ERCC5: variants seen among roughly 807,000 people sequenced by gnomAD.
ERCC5 encodes DNA excision repair protein ERCC-5.
In ERCC5, 68 loss-of-function variants were observed where a neutral mutation model predicts 105.6. The observed-to-expected ratio is 0.64, with a 90% CI of 0.53 to 0.79. The LOEUF (loss-of-function observed/expected upper bound fraction) is 0.79, where lower values mean the gene tolerates loss of function less well. Among genes scored for constraint, ERCC5 ranks in the 30% least tolerant of loss-of-function variants. The pLI is 0.00. For missense variants in ERCC5, 1,373 were observed against 1,426.7 expected (o/e 0.96, Z 0.61); for synonymous variants, 546 against 526.2 (o/e 1.04, Z -0.51).
intron 12 of ERCC5, 36 bp from the exon 13 acceptor site, chr13:102,872,162 A>T (rs935400232): frequency 1.2e-6 from 2 of 1,605,082 alleles, no homozygotes; most frequent in Non-Finnish European, 1.7e-6. Context: ...ATAATGTCTC[A>T]TTGCTGTGTA....
chr13:102,873,664 G>C (rs1232549996), intron 14 of ERCC5, among the ~76,000 whole-genome samples: 1 of 152,036 alleles, frequency 6.6e-6, no homozygotes. Flanking sequence ...ATTTTTTAAC[G>C]AAAGGAAGTC....
chr13:102,863,108 G>T lies in ERCC5; in HGVS notation c.1954+5G>T, dbSNP rs112412083. Reference sequence around the variant, plus strand: ...CGGAAGAAAGTGAATCTGATGGTACGTGTCTGTGCTTTTGTAGAAATCTGG... The same window carrying T: ...CGGAAGAAAGTGAATCTGATGGTACTTGTCTGTGCTTTTGTAGAAATCTGG... On this transcript the variant is annotated splice_donor_5th_base_variant and intron_variant, in intron 8 of 14. Coordinates refer to ENST00000652225, the MANE Select transcript of ERCC5 (RefSeq NM_000123.4). The T allele has an allele frequency of 6.2e-7, 1 of 1,612,444 alleles. No homozygotes were observed. Among genetic ancestry groups the T allele is most frequent in the Admixed American group, 1.7e-5 (1 of 60,024 alleles).
In ERCC5 at chr13:102,865,676, T is replaced by C. The variant is rs1409697164; in HGVS notation, c.1964T>C (p.Ile655Thr). ...TTTAATTTTGGTACAGGAAGTTTCA[T>C]TGAAGTGCAAAGTGTGATTAGTGAT... ...SEESESDGSF[I>T]EVQSVISDEE... The change falls in exon 9 of 15, where the codon ATT (isoleucine) becomes ACT (threonine). Residue 655 changes from isoleucine to threonine, a missense_variant. Physicochemically the swap from Ile to Thr is moderately conservative, Grantham distance 89 (BLOSUM62 -1). Transcript: ENST00000652225. The surrounding 1 kb of genome is among the most constrained non-coding windows in gnomAD (Gnocchi z 4.0). The C allele has an allele frequency of 1.2e-6, 2 of 1,613,744 alleles. No individual in the cohort carries two copies. The highest frequency in any genetic ancestry group is 1.1e-5 in the South Asian group (1 of 91,034).
Position 102,862,225 on chromosome 13 carries a change from A to G in ERCC5, c.1076A>G (p.Glu359Gly). 1 of 1,614,178 alleles carries G rather than the reference A, an allele frequency of 6.2e-7. No individual in the cohort carries two copies. Among genetic ancestry groups the G allele is most frequent in the African/African-American group, 1.3e-5 (1 of 75,042 alleles). The change falls in exon 8 of 15, where the codon GAG becomes GGG. Residue 359 changes from glutamate (E) to glycine (G), a missense_variant. Physicochemically the swap from Glu to Gly is moderately conservative, Grantham distance 98 (BLOSUM62 -2). Transcript: ENST00000652225. ...GCCCTGCTGGGAAGTAGCTCAGAAG[A>G]GGAGCTGGAGAGTGAAAATCGAAGG... ...QAALLGSSSE[E>G]ELESENRRQA... is the part of the protein sequence containing the mutation.
intron 11 of ERCC5, among the ~76,000 whole-genome samples, chr13:102,867,376 G>A (rs1882877154): frequency 1.3e-5 from 2 of 152,248 alleles, no homozygotes; most frequent in Non-Finnish European, 2.9e-5. Context: ...CAGGCATCGA[G>A]AGTGCAGGTG....
chr13:102,872,403 C>A lies in ERCC5; in HGVS notation c.2879+5C>A. ...TGATCTCGACAAAATTAGAGAATATCCTTTGCTTCTTAAAAGAGAAGGAAA... is the reference window on the plus strand; with the variant it reads ...TGATCTCGACAAAATTAGAGAATATACTTTGCTTCTTAAAAGAGAAGGAAA... On this transcript the variant is annotated splice_donor_5th_base_variant and intron_variant, in intron 13 of 14. Coordinates refer to ENST00000652225, the MANE Select transcript of ERCC5 (RefSeq NM_000123.4). 5 of 1,614,078 alleles carry A rather than the reference C, an allele frequency of 3.1e-6. No homozygotes were observed. The highest frequency in any genetic ancestry group is 4.2e-6 in the Non-Finnish European group (5 of 1,180,002).
Position 102,856,682 on chromosome 13 carries a change from G to A in ERCC5, c.528+570G>A, listed in dbSNP as rs4150284. ...GGCAGTTCTCTCTGGGGTCTCTTGTGTAGATGCAGCCAGTCTGTAGCTGGG... is the reference window on the plus strand; with the variant it reads ...GGCAGTTCTCTCTGGGGTCTCTTGTATAGATGCAGCCAGTCTGTAGCTGGG... On this transcript the variant is annotated intron_variant, in intron 5 of 14. Coordinates refer to ENST00000652225, the MANE Select transcript of ERCC5 (RefSeq NM_000123.4). 5.6e-3 allele frequency among the ~76,000 whole-genome samples: 853 copies of A among 152,356 alleles called. 3 individuals are homozygous for A. Among genetic ancestry groups the A allele is most frequent in the Middle Eastern group, 0.014 (4 of 294 alleles).
chr13:102,846,327 G>T lies in ERCC5; in HGVS notation c.61G>T (p.Ala21Ser). 4 of 1,614,108 alleles carry T rather than the reference G, an allele frequency of 2.5e-6. No individual in the cohort carries two copies. Among genetic ancestry groups the T allele is most frequent in the Middle Eastern group, 1.7e-4 (1 of 6,054 alleles). Residue 21 changes from alanine (A) to serine (S), a missense_variant, in exon 1 of 15, where the codon GCG becomes TCG. Around this residue, in one of 3 missense-constraint regions of ERCC5, gnomAD observed 1,004 missense variants for 1,059.7 expected, o/e 0.95. Coordinates refer to ENST00000652225, the MANE Select transcript of ERCC5 (RefSeq NM_000123.4). ...CTCCGGGCGGCAGGTCAGCCCCGAA[G>T]CGCTGGAAGGGAAGATCCTGGCTGT... ...ECSGRQVSPEALEGKILAVDI... is the reference protein window; with the variant it reads ...ECSGRQVSPESLEGKILAVDI...
intron 11 of ERCC5, among the ~76,000 whole-genome samples, chr13:102,867,232 A>T (rs1166244953): frequency 6.6e-6 from 1 of 152,240 alleles, no homozygotes; most frequent in Non-Finnish European, 1.5e-5. Flanking sequence ...GTTGTTCTTA[A>T]CAAGAGGGAA....
intron 5 of ERCC5, among the ~76,000 whole-genome samples, chr13:102,857,108 CAGAT>C (rs1882453131): frequency 6.6e-6 from 1 of 152,140 alleles, no homozygotes; most frequent in South Asian, 2.1e-4. Flanking sequence ...CTTAGTGTCA[CAGAT>C]AGCATTTTTT....
chr13:102,852,518 TAAAAC>T (rs1441057863), intron 2 of ERCC5, among the ~76,000 whole-genome samples: 2 of 152,234 alleles, frequency 1.3e-5, no homozygotes, highest in African/African-American at 4.8e-5. Flanking sequence ...AACTTTTAAA[TAAAAC>T]TAACTACTAA....
intron 11 of ERCC5, among the ~76,000 whole-genome samples, chr13:102,867,698 G>A (rs1374542287): frequency 1.3e-5 from 2 of 152,224 alleles, no homozygotes; most frequent in African/African-American, 2.4e-5. Context: ...TCCAGATACT[G>A]AGCAGCTGGT....
rs1244074570 is a variant in ERCC5, at chr13:102,866,665, C to T, written c.2353C>T (p.Gln785Ter). Residue 785 changes from glutamine (Q) to a stop codon, truncating the protein, a stop_gained, in exon 11 of 15, where the codon CAG becomes TAG. Coordinates refer to ENST00000652225, the MANE Select transcript of ERCC5 (RefSeq NM_000123.4). LOFTEE classifies it high-confidence loss of function. ...LLRLFGIPYIQAPMEAEAQCA... is the reference protein window; with the variant it reads ...LLRLFGIPYI ...GCGCCTGTTCGGCATTCCCTACATC[C>T]AGGCTCCCATGGAAGCAGAGGCGCA... 1 of 1,613,988 alleles carries T rather than the reference C, an allele frequency of 6.2e-7. No individual in the cohort carries two copies. Among genetic ancestry groups the T allele is most frequent in the Non-Finnish European group, 8.5e-7 (1 of 1,180,018 alleles).
At chr13:102,849,025 C>T in intron 1 of ERCC5, 1 of 414,732 alleles carries the variant, frequency 2.4e-6, no homozygotes, top group Non-Finnish European at 4.8e-6. Context: ...TGATCTGAAA[C>T]TAGATTTCCT....
At chr13:102,870,430 A>T (rs1882995317) in intron 12 of ERCC5, among the ~76,000 whole-genome samples, 1 of 152,020 alleles carries the variant, frequency 6.6e-6, no homozygotes, top group African/African-American at 2.4e-5. Flanking sequence ...GTTTCATCAC[A>T]GTTGCCTCCA....
Position 102,852,224 on chromosome 13 carries a change from C to G in ERCC5, c.195C>G (p.Leu65=). The stretch of plus-strand genomic sequence containing the variant: ...CTTTGTTTCATCGGCTCTGCAAACT[C>G]TTATTTTTTCGAATTCGTCCTATTT... The part of the protein sequence containing the change: ...LLTLFHRLCK[L]LFFRIRPIFV... Residue 65 remains leucine (L), a synonymous_variant, in exon 2 of 15, where the codon CTC becomes CTG. Coordinates refer to ENST00000652225, the MANE Select transcript of ERCC5 (RefSeq NM_000123.4). 1 of 1,614,090 alleles carries G rather than the reference C, an allele frequency of 6.2e-7. No homozygotes were observed. Among genetic ancestry groups the G allele is most frequent in the Non-Finnish European group, 8.5e-7 (1 of 1,180,010 alleles).
intron 1 of ERCC5, chr13:102,849,182 C>G (rs919977708): frequency 5.8e-6 from 3 of 518,892 alleles, no homozygotes; most frequent in South Asian, 4.2e-5. Context: ...ACACCAAGTT[C>G]TACCTCTGAG....
In ERCC5 at chr13:102,875,374, A is replaced by G; in HGVS notation, c.3032A>G (p.Lys1011Arg). ...GAGAAAGAAGATGCTAAACGTATTAAGAGCCAGAGACTAAACAGAGCTGTG... is the reference window on the plus strand; with the variant it reads ...GAGAAAGAAGATGCTAAACGTATTAGGAGCCAGAGACTAAACAGAGCTGTG... ...QQEKEDAKRI[K>R]SQRLNRAVTC... Residue 1011 changes from lysine to arginine, a missense_variant, in exon 15 of 15, where the codon AAG becomes AGG. By Grantham distance (26) the Lys-to-Arg change is conservative. Coordinates refer to ENST00000652225, the MANE Select transcript of ERCC5 (RefSeq NM_000123.4). 6.2e-7 allele frequency: 1 copy of G among 1,614,006 alleles called. No homozygotes were observed. The highest frequency in any genetic ancestry group is 1.1e-5 in the South Asian group (1 of 91,022).
rs1883059078 is a variant in ERCC5 at position 102,872,254 on chromosome 13, C to A, written c.2735C>A (p.Thr912Asn). ...NPKIRPNPHD[T>N]KVKKKLRTLQ... is the part of the protein sequence containing the mutation. ...AAGATAAGACCTAATCCTCATGACACCAAAGTGAAAAAAAAATTACGGACA... is the reference window on the plus strand; with the variant it reads ...AAGATAAGACCTAATCCTCATGACAACAAAGTGAAAAAAAAATTACGGACA... Residue 912 changes from threonine to asparagine, a missense_variant, in exon 13 of 15, where the codon ACC (threonine) becomes AAC (asparagine). This residue lies in a region of ERCC5 where 367 missense variants were observed against 350.2 expected (regional missense o/e 1.05). Coordinates refer to ENST00000652225, the MANE Select transcript of ERCC5 (RefSeq NM_000123.4). 5.0e-6 allele frequency: 8 copies of A among 1,613,906 alleles called. No homozygotes were observed. The highest frequency in any genetic ancestry group is 5.9e-6 in the Non-Finnish European group (7 of 1,180,024).
Sources: allele counts gnomAD v4.1 joint callset (sites outside exome capture counted in the v4.1 genomes callset), GRCh38; gene constraint gnomAD v4.1.1; regional missense constraint gnomAD v4.1.1; non-coding constraint Gnocchi (gnomAD v3.1); transcripts MANE v1.5; gene names NCBI Gene and HGNC (gene_info 2026-07-23, HGNC 2026-07-21).